The following ZNF821 variants were observed in gnomAD, a reference collection of about 807,000 sequenced individuals.
The protein encoded by ZNF821 is zinc finger protein 821.
ZNF821 carries 16 observed loss-of-function variants against 44.3 expected under a neutral mutation model. The observed-to-expected ratio is 0.36, with a 90% confidence interval of 0.24 to 0.55. ZNF821 has a LOEUF of 0.55. Among genes scored for constraint, ZNF821 ranks in the 20% least tolerant of loss-of-function variants. The probability of loss-of-function intolerance (pLI) is 0.86; values close to 1 mark genes in which losing one functional copy is unlikely to be tolerated. For missense variants in ZNF821, 436 were observed against 547.6 expected (o/e 0.80, Z 2.03); for synonymous variants, 204 against 197.6 (o/e 1.03, Z -0.27).
At chr16:71,867,362 C>T (rs1411444462) in intron 4 of ZNF821, among the ~76,000 whole-genome samples, 2 of 152,096 alleles carry the variant, frequency 1.3e-5, no homozygotes, top group East Asian at 3.8e-4. Flanking sequence ...GTATGTGGCA[C>T]TGTGCCAAGT....
chr16:71,894,769 C>A, intron 1 of ZNF821: 1 of 1,218,844 alleles, frequency 8.2e-7, no homozygotes, highest in South Asian at 1.3e-5. Flanking sequence ...CTCCCGGGCT[C>A]AAGCGATCCT....
At chr16:71,882,704 C>T (rs74029711) in intron 2 of ZNF821, among the ~76,000 whole-genome samples, 5,756 of 152,126 alleles carry the variant, frequency 0.038, 340 homozygotes, top group African/African-American at 0.13. Flanking sequence ...ACAAAAACAC[C>T]CACAAAAACA....
chr16:71,870,938 G>A (rs2035133275), intron 3 of ZNF821, among the ~76,000 whole-genome samples: 1 of 152,172 alleles, frequency 6.6e-6, no homozygotes, highest in East Asian at 1.9e-4. Flanking sequence ...GGTCTCCAAA[G>A]AAACTTAGAA....
chr16:71,863,225 C>T (rs1026486507), intron 6 of ZNF821, among the ~76,000 whole-genome samples: 1 of 151,982 alleles, frequency 6.6e-6, no homozygotes, highest in African/African-American at 2.4e-5. Flanking sequence ...TTCTTTAACA[C>T]AAAGCCCTCA....
At chr16:71,869,700 T>C (rs150546313) in intron 3 of ZNF821, among the ~76,000 whole-genome samples, 2 of 152,270 alleles carry the variant, frequency 1.3e-5, no homozygotes, top group African/African-American at 4.8e-5. Flanking sequence ...TGCAGTGGTG[T>C]GATCATGGCT....
rs762807184 is a variant in ZNF821, at chr16:71,864,240, G to A, written c.315C>T (p.Val105=). The change falls in exon 6 of 8, where the codon GTC becomes GTT. Residue 105 remains valine, a splice_region_variant and synonymous_variant. Transcript: ENST00000425432. ...VGGNEVVEHE[V]TGNLNSDPLL... ...AGGGGTCAGAATTCAAATTCCCTGTGACCTGTGATTCAACAAATAGGCAAC... is the reference window on the plus strand; with the variant it reads ...AGGGGTCAGAATTCAAATTCCCTGTAACCTGTGATTCAACAAATAGGCAAC... 1 of 1,613,896 alleles carries A rather than the reference G, an allele frequency of 6.2e-7. No individual in the cohort carries two copies. Among genetic ancestry groups the A allele is most frequent in the South Asian group, 1.1e-5 (1 of 91,076 alleles).
chr16:71,864,287 C>T (rs1425531533), intron 5 of ZNF821, 45 bp from the exon 6 acceptor site: 7 of 1,544,612 alleles, frequency 4.5e-6, no homozygotes, highest in Non-Finnish European at 6.3e-6. Context: ...CTTTACTCAT[C>T]TCTTCCCTGC....
intron 1 of ZNF821, among the ~76,000 whole-genome samples, chr16:71,891,727 C>T (rs1009932079): frequency 2.0e-5 from 3 of 152,050 alleles, no homozygotes; most frequent in African/African-American, 7.2e-5. Flanking sequence ...TACAAAAAAT[C>T]GGCCAAGCGT....
intron 1 of ZNF821, among the ~76,000 whole-genome samples, chr16:71,890,973 A>G (rs1322573322): frequency 1.3e-5 from 2 of 151,066 alleles, no homozygotes; most frequent in East Asian, 3.9e-4. Context: ...ACGGGGTTTC[A>G]CTGTGTTAGC....
At chr16:71,884,413 G>A (rs1180567986), upstream of ZNF821, among the ~76,000 whole-genome samples, 2 of 151,528 alleles carry the variant, frequency 1.3e-5, no homozygotes, top group Non-Finnish European at 2.9e-5. Context: ...GTCTTTCTCT[G>A]GCTGTCTCAG....
At position 71,861,939 on chromosome 16, in the gene ZNF821, T is replaced by C. The variant is rs1330955702; in HGVS notation, c.421A>G (p.Thr141Ala). ...CTCTTGGCGCTCACCACTGCTGCAG[T>C]GTGCTGTAAAACAGAGCCTTGATCT... is the stretch of plus-strand genomic sequence containing the variant. ...EQLIAHVYQH[T>A]AAVVSAKSYM... The change falls in exon 7 of 8, where the codon ACT becomes GCT. Residue 141 changes from threonine to alanine, a missense_variant. Thr to Ala is a moderately conservative substitution (Grantham distance 58, BLOSUM62 0). This residue lies in a region of ZNF821 where 238 missense variants were observed against 281.4 expected (regional missense o/e 0.85). Coordinates refer to ENST00000425432, the MANE Select transcript of ZNF821 (RefSeq NM_001201552.2). The C allele has an allele frequency of 6.2e-7, 1 of 1,614,116 alleles. No individual in the cohort carries two copies. Among genetic ancestry groups the C allele is most frequent in the East Asian group, 2.2e-5 (1 of 44,888 alleles).
At chr16:71,872,561 C>T (rs1009209832) in intron 3 of ZNF821, among the ~76,000 whole-genome samples, 6 of 151,876 alleles carry the variant, frequency 4.0e-5, no homozygotes, top group Non-Finnish European at 7.4e-5. Flanking sequence ...TGCAGTGAGC[C>T]GAGATCACGC....
At chr16:71,862,025 G>A (rs2033953486) in intron 6 of ZNF821, 83 bp from the exon 7 acceptor site, 3 of 1,500,968 alleles carry the variant, frequency 2.0e-6, no homozygotes, top group Admixed American at 1.9e-5. Flanking sequence ...TTTGGGAAAT[G>A]TCCCCTTTCT....
intron 7 of ZNF821, among the ~76,000 whole-genome samples, chr16:71,861,223 T>TC (rs1276148029): frequency 9.2e-5 from 14 of 152,306 alleles, no homozygotes; most frequent in African/African-American, 3.4e-4. Context: ...GCACCAGAAA[T>TC]CAGACAAACC....
chr16:71,862,026 T>C, intron 6 of ZNF821, 84 bp from the exon 7 acceptor site: 2 of 1,493,232 alleles, frequency 1.3e-6, no homozygotes, highest in Non-Finnish European at 1.8e-6. Context: ...TTGGGAAATG[T>C]CCCCTTTCTT....
chr16:71,862,676 T>TG (rs2034041864), intron 6 of ZNF821, among the ~76,000 whole-genome samples: 1 of 151,608 alleles, frequency 6.6e-6, no homozygotes, highest in Admixed American at 6.6e-5. Flanking sequence ...ATTTATATCT[T>TG]GCTTTCTCAA....
intron 3 of ZNF821, among the ~76,000 whole-genome samples, chr16:71,879,163 C>A (rs2036167712): frequency 6.6e-6 from 1 of 152,110 alleles, no homozygotes; most frequent in African/African-American, 2.4e-5. Flanking sequence ...GGCATTCAGC[C>A]TTCCACGTGT....
intron 2 of ZNF821, chr16:71,881,291 T>C (rs989555338): frequency 2.6e-5 from 4 of 152,192 alleles, no homozygotes; most frequent in Non-Finnish European, 4.4e-5. Context: ...ACCTCAAACC[T>C]ATAATCAGAT....
Position 71,864,882 on chromosome 16 carries a change from C to T in ZNF821, c.312+21G>A, listed in dbSNP as rs200654159. 2.5e-5 allele frequency: 41 copies of T among 1,613,620 alleles called. No homozygotes were observed. The East Asian group carries it at 3.6e-4, about 14-fold the overall frequency. Reference sequence around the variant, plus strand: ...GGGTAGGGCATTGCTGGACCTGGACCCAGGGGCCATCGTCACTTGCCTCGT... The same window carrying T: ...GGGTAGGGCATTGCTGGACCTGGACTCAGGGGCCATCGTCACTTGCCTCGT... On this transcript the variant is annotated intron_variant, in intron 5 of 7. Coordinates refer to ENST00000425432, the MANE Select transcript of ZNF821 (RefSeq NM_001201552.2).
Sources: gnomAD v4.1 joint callset for allele counts (sites outside exome capture counted in the v4.1 genomes callset) on GRCh38, gnomAD v4.1.1 for gene constraint, gnomAD v4.1.1 regional missense constraint, MANE v1.5 for transcripts, NCBI Gene and HGNC (gene_info 2026-07-23, HGNC 2026-07-21) for gene names.